RALYL: variants seen among roughly 807,000 people sequenced by gnomAD.
RALYL encodes RNA-binding Raly-like protein.
In RALYL, 29 loss-of-function variants were observed where a neutral mutation model predicts 35.1. That is an observed-to-expected ratio of 0.83 (90% confidence interval 0.61 to 1.13). The LOEUF is 1.13. Among genes scored for constraint, RALYL ranks in the 50% most tolerant of loss-of-function variants. The pLI is 0.00. For missense variants in RALYL, 359 were observed against 360.4 expected (o/e 1.00, Z 0.03); for synonymous variants, 120 against 127.6 (o/e 0.94, Z 0.40).
At chr8:84,801,385 A>AAAC (rs1474217349) in intron 3 of RALYL, among the ~76,000 whole-genome samples, 2 of 152,194 alleles carry the variant, frequency 1.3e-5, no homozygotes, top group Non-Finnish European at 2.9e-5. Flanking sequence ...ACTTAACACA[A>AAAC]AACTGTTGGA....
chr8:84,395,504 T>G (rs16912785), intron 1 of RALYL, among the ~76,000 whole-genome samples: 4,294 of 151,976 alleles, frequency 0.028, 194 homozygotes, highest in African/African-American at 0.097. Flanking sequence ...CTAAAAATCA[T>G]CAGTGTAATC....
intron 8 of RALYL, among the ~76,000 whole-genome samples, chr8:84,898,722 G>A (rs1563831671): frequency 1.3e-5 from 2 of 152,188 alleles, no homozygotes; most frequent in Non-Finnish European, 2.9e-5. Flanking sequence ...GAGGTTGCCT[G>A]AAGGGTAAGG....
chr8:84,337,307 A>T (rs2130818273), intron 1 of RALYL, among the ~76,000 whole-genome samples: 1 of 151,908 alleles, frequency 6.6e-6, no homozygotes, highest in African/African-American at 2.4e-5. Flanking sequence ...TCATTCGAGG[A>T]ATATAGCTTC....
intron 1 of RALYL, chr8:84,184,856 G>A (rs1207684914): frequency 1.6e-5 from 16 of 979,166 alleles, no homozygotes; most frequent in South Asian, 2.7e-5. Flanking sequence ...CAGAGCACCC[G>A]GGAGATGGGG....
intron 4 of RALYL, among the ~76,000 whole-genome samples, chr8:84,810,388 C>A (rs1022144982): frequency 1.3e-5 from 2 of 152,060 alleles, no homozygotes; most frequent in Non-Finnish European, 2.9e-5. Flanking sequence ...TATTGAGGCT[C>A]ATTTTATGGC....
At chr8:84,423,526 A>T (rs2045944147) in intron 1 of RALYL, among the ~76,000 whole-genome samples, 1 of 152,048 alleles carries the variant, frequency 6.6e-6, no homozygotes, top group Admixed American at 6.6e-5. Context: ...GTGTCTTTTA[A>T]TTGGAGAATT....
chr8:84,510,121 A>G (rs928615661), intron 1 of RALYL, among the ~76,000 whole-genome samples: 1 of 152,194 alleles, frequency 6.6e-6, no homozygotes, highest in Admixed American at 6.5e-5. Context: ...GGCAATATCT[A>G]TGAACATGGA....
intron 1 of RALYL, among the ~76,000 whole-genome samples, chr8:84,489,350 A>C (rs1315805869): frequency 4.6e-5 from 7 of 152,084 alleles, no homozygotes; most frequent in Non-Finnish European, 7.4e-5. Flanking sequence ...CAAAAGTTAA[A>C]ATCAATAAGC....
intron 6 of RALYL, among the ~76,000 whole-genome samples, chr8:84,871,630 G>A (rs963258035): frequency 6.6e-6 from 1 of 152,098 alleles, no homozygotes; most frequent in Non-Finnish European, 1.5e-5. Flanking sequence ...TGAAGTAATT[G>A]ACATGAGGAG....
chr8:84,469,116 T>C (rs554634091), intron 1 of RALYL, among the ~76,000 whole-genome samples: 12 of 152,304 alleles, frequency 7.9e-5, no homozygotes, highest in South Asian at 2.1e-4. Flanking sequence ...CAGAGTAATT[T>C]GATCGTCTGA....
At position 84,464,885 on chromosome 8, in the gene RALYL, T is replaced by C. The variant is rs1284954184; in HGVS notation, c.-23-64414T>C. 3.4e-3 allele frequency among the ~76,000 whole-genome samples: 484 copies of C among 141,328 alleles called. 1 individual carries two copies. The highest frequency in any genetic ancestry group is 0.012 in the African/African-American group (461 of 37,684). The allele number at this position is 141,328 out of a possible 152,430, so 92.7% of individuals were successfully genotyped here. ...GTGGTTTTGATTTGCATTTCTCTGA[T>C]GGCCAGTGATGATGAGCATTTTTTC... On this transcript the variant is annotated intron_variant, in intron 1 of 8. Transcript: ENST00000521268.
At chr8:84,371,572 C>CACAGAGAAAGAGAGAGAG (rs60104734) in intron 1 of RALYL, among the ~76,000 whole-genome samples, 1 of 147,366 alleles carries the variant, frequency 6.8e-6, no homozygotes, top group African/African-American at 2.5e-5. Context: ...CACACACACA[C>CACAGAGAAAGAGAGAGAG]AGAAAGAGAG....
chr8:84,290,459 A>G lies in RALYL; in HGVS notation c.-24+106035A>G, dbSNP rs534948395. On this transcript the variant is annotated intron_variant, in intron 1 of 8. Transcript: ENST00000521268. ...ATAGGATTTGGGTAGGTAAAGGAAA[A>G]TTACAGTCAAAGGGGGTTTGTTCTC... Among the ~76,000 whole-genome samples, 6 of 150,292 alleles carry G rather than the reference A, an allele frequency of 4.0e-5. No individual in the cohort carries two copies. In the South Asian group the frequency reaches 1.3e-3, roughly 32 times the overall value.
chr8:84,550,421 C>T (rs1564128451), intron 2 of RALYL, among the ~76,000 whole-genome samples: 1 of 152,060 alleles, frequency 6.6e-6, no homozygotes, highest in Non-Finnish European at 1.5e-5. Context: ...TTAATCAACA[C>T]ATGAGCAAAC....
At chr8:84,456,533 G>T (rs1014855212) in intron 1 of RALYL, among the ~76,000 whole-genome samples, 2 of 151,870 alleles carry the variant, frequency 1.3e-5, no homozygotes, top group African/African-American at 2.4e-5. Flanking sequence ...AATTGAGCTT[G>T]CTTCTAAAGA....
intron 2 of RALYL, among the ~76,000 whole-genome samples, chr8:84,630,744 A>G (rs541943646): frequency 2.0e-5 from 3 of 152,178 alleles, no homozygotes; most frequent in South Asian, 4.1e-4. Flanking sequence ...GCCCAGCTCA[A>G]TGGCTGTTGG....
chr8:84,335,542 A>G (rs1218727040), intron 1 of RALYL, among the ~76,000 whole-genome samples: 1 of 151,956 alleles, frequency 6.6e-6, no homozygotes, highest in Non-Finnish European at 1.5e-5. Context: ...GACACAAATC[A>G]AATTTTCTGA....
intron 1 of RALYL, among the ~76,000 whole-genome samples, chr8:84,378,667 T>C (rs953464273): frequency 2.6e-5 from 4 of 151,886 alleles, no homozygotes; most frequent in African/African-American, 9.7e-5. Context: ...TCTAGAATTA[T>C]GATAATCATA....
chr8:84,844,741 T>G lies in RALYL; in HGVS notation c.366-5239T>G, dbSNP rs545964634. On this transcript the variant is annotated intron_variant, in intron 4 of 8. Transcript: ENST00000521268. ...ACCCAAATGTCCAACAATGATAGAG[T>G]GGATTAAGAAAATGTGGCACATATA... Among the ~76,000 whole-genome samples the G allele has an allele frequency of 1.4e-3, 220 of 151,892 alleles. 2 individuals are homozygous for G. Among genetic ancestry groups the G allele is most frequent in the African/African-American group, 5.0e-3 (207 of 41,426 alleles).
Sources: gnomAD v4.1 joint callset for allele counts (sites outside exome capture counted in the v4.1 genomes callset) on GRCh38, gnomAD v4.1.1 for gene constraint, MANE v1.5 for transcripts, NCBI Gene and HGNC (gene_info 2026-07-23, HGNC 2026-07-21) for gene names.